EYS: variants seen among roughly 807,000 people sequenced by gnomAD.
The protein encoded by EYS is protein eyes shut homolog.
A neutral mutation model predicts 282.1 loss-of-function variants in EYS; 250 were observed. The ratio of observed to expected loss-of-function variants is 0.89; its 90% CI spans 0.80 to 0.98. The LOEUF (loss-of-function observed/expected upper bound fraction) is 0.98. Among genes scored for constraint, EYS ranks in the 50% least tolerant of loss-of-function variants. The pLI is 0.00. For missense variants in EYS, 4,016 were observed against 3,709.0 expected, an observed-to-expected ratio of 1.08 and a Z score of -2.15; for synonymous variants, 1,355 against 1,282.9, an observed-to-expected ratio of 1.06 and a Z score of -1.20.
At chr6:64,718,794 T>G (rs1179373484) in intron 22 of EYS, among the ~76,000 whole-genome samples, 1 of 152,234 alleles carries the variant, frequency 6.6e-6, no homozygotes, top group Non-Finnish European at 1.5e-5. Context: ...TGCCATGCAA[T>G]ATCATAGTAC....
intron 22 of EYS, among the ~76,000 whole-genome samples, chr6:64,657,305 T>A (rs1477641170): frequency 6.6e-6 from 1 of 152,228 alleles, no homozygotes; most frequent in Non-Finnish European, 1.5e-5. Flanking sequence ...TGACTTTTTA[T>A]CCAATTTGCC....
intron 13 of EYS, among the ~76,000 whole-genome samples, chr6:65,007,688 GATAA>G (rs956614616): frequency 1.8e-4 from 27 of 152,002 alleles, no homozygotes; most frequent in Non-Finnish European, 8.8e-5. Context: ...TCCAAAAGGA[GATAA>G]ATAAACAATT....
intron 22 of EYS, among the ~76,000 whole-genome samples, chr6:64,791,076 G>A (rs1464717639): frequency 6.6e-6 from 1 of 151,760 alleles, no homozygotes; most frequent in East Asian, 1.9e-4. Flanking sequence ...AGCCTAAAGT[G>A]GGTTTGCATG....
chr6:64,315,430 T>A (rs925555431), intron 29 of EYS, among the ~76,000 whole-genome samples: 7 of 151,914 alleles, frequency 4.6e-5, no homozygotes, highest in Non-Finnish European at 8.8e-5. Context: ...GACAGTATCA[T>A]CCTGATACCA....
intron 36 of EYS, among the ~76,000 whole-genome samples, chr6:63,827,274 A>G (rs1771495001): frequency 6.6e-6 from 1 of 152,214 alleles, no homozygotes; most frequent in South Asian, 2.1e-4. Context: ...AATTTATAAA[A>G]CAATTACTAA....
intron 26 of EYS, among the ~76,000 whole-genome samples, chr6:64,447,520 T>G (rs189664792): frequency 3.3e-5 from 5 of 152,246 alleles, no homozygotes; most frequent in Admixed American, 2.6e-4. Context: ...AAATAAGTTA[T>G]GAAATATATT....
intron 30 of EYS, among the ~76,000 whole-genome samples, chr6:64,245,193 T>C (rs935855688): frequency 3.9e-5 from 6 of 152,274 alleles, no homozygotes; most frequent in Admixed American, 1.3e-4. Context: ...TAAGAAAATA[T>C]GGCACATATA....
intron 8 of EYS, among the ~76,000 whole-genome samples, chr6:65,354,193 C>T (rs1764391632): frequency 6.6e-6 from 1 of 152,086 alleles, no homozygotes. Context: ...AGTTTTAGTA[C>T]ATGCTGCGCT....
At chr6:64,860,647 G>A (rs920456697) in intron 19 of EYS, among the ~76,000 whole-genome samples, 7 of 152,236 alleles carry the variant, frequency 4.6e-5, no homozygotes, top group African/African-American at 1.7e-4. Flanking sequence ...AAGGGCCACA[G>A]CTGTTTTCTC....
intron 2 of EYS, among the ~76,000 whole-genome samples, chr6:65,511,511 A>C (rs1192775069): frequency 6.6e-6 from 1 of 152,262 alleles, no homozygotes; most frequent in East Asian, 1.9e-4. Context: ...ACAGTCTTAT[A>C]GGCAAACTGC....
intron 2 of EYS, among the ~76,000 whole-genome samples, chr6:65,615,889 G>A (rs749728077): frequency 4.6e-5 from 7 of 150,946 alleles, no homozygotes; most frequent in South Asian, 2.1e-4. Context: ...AGCTGAGATC[G>A]CACCACTGCA....
At chr6:64,092,321 C>T (rs926246926) in intron 31 of EYS, among the ~76,000 whole-genome samples, 2 of 152,160 alleles carry the variant, frequency 1.3e-5, no homozygotes, top group African/African-American at 2.4e-5. Context: ...CCTGAGGAAT[C>T]GCCACACTGA....
intron 14 of EYS, among the ~76,000 whole-genome samples, chr6:64,950,834 T>TATATATATATATATATATATATA (rs1491182951): frequency 2.5e-5 from 2 of 81,198 alleles, no homozygotes; most frequent in South Asian, 4.3e-4. Context: ...TATATATATA[T>TATATATATATATATATATATATA]TGTTGAATTG....
At chr6:64,961,026 A>G (rs1769896042) in intron 14 of EYS, among the ~76,000 whole-genome samples, 1 of 152,206 alleles carries the variant, frequency 6.6e-6, no homozygotes. Flanking sequence ...GTGTATGTGT[A>G]CCACATTTTC....
At chr6:64,028,148 G>A (rs1157067755) in intron 33 of EYS, among the ~76,000 whole-genome samples, 1 of 152,190 alleles carries the variant, frequency 6.6e-6, no homozygotes, top group Admixed American at 6.5e-5. Flanking sequence ...TGAATATGGG[G>A]AACAAGTTAC....
At chr6:63,888,185 G>C (rs992746617) in intron 35 of EYS, among the ~76,000 whole-genome samples, 1 of 152,244 alleles carries the variant, frequency 6.6e-6, no homozygotes, top group Non-Finnish European at 1.5e-5. Context: ...ACAGAGCACT[G>C]GGGGAAGGGG....
At chr6:63,825,738 G>A (rs1771442866) in intron 36 of EYS, among the ~76,000 whole-genome samples, 1 of 152,146 alleles carries the variant, frequency 6.6e-6, no homozygotes, top group Non-Finnish European at 1.5e-5. Context: ...AAAATGATCT[G>A]AACAACAGCC....
intron 12 of EYS, among the ~76,000 whole-genome samples, chr6:65,107,265 C>A (rs1775066078): frequency 6.7e-6 from 1 of 149,540 alleles, no homozygotes; most frequent in Non-Finnish European, 1.5e-5. Flanking sequence ...CCTTTGTCTT[C>A]AGCTTCAAAT....
chr6:64,397,006 G>A (rs1286905017), intron 28 of EYS, among the ~76,000 whole-genome samples: 2 of 151,926 alleles, frequency 1.3e-5, no homozygotes, highest in African/African-American at 4.8e-5. Flanking sequence ...TACACTGCCT[G>A]ATACTGATAC....
Sources: allele counts gnomAD v4.1 joint callset (sites outside exome capture counted in the v4.1 genomes callset), GRCh38; gene constraint gnomAD v4.1.1; transcripts MANE v1.5; gene names NCBI Gene and HGNC (gene_info 2026-07-23, HGNC 2026-07-21).